The following BLM variants were observed in gnomAD, a reference collection of about 807,000 sequenced individuals.
BLM encodes the protein BLM RecQ like helicase.
In BLM, 95 loss-of-function variants were observed where a neutral mutation model predicts 135.3. That is an observed-to-expected ratio of 0.70 (90% confidence interval 0.59 to 0.83). The LOEUF is 0.83. Among genes scored for constraint, BLM ranks in the 40% least tolerant of loss-of-function variants. The pLI is 0.00. For synonymous variants in BLM, 520 were observed against 589.2 expected (o/e 0.88, Z 1.70); for missense variants, 1,518 against 1,663.9 (o/e 0.91, Z 1.53).
chr15:90,720,135 G>T (rs1596192357), intron 1 of BLM, among the ~76,000 whole-genome samples: 1 of 152,054 alleles, frequency 6.6e-6, no homozygotes, highest in Non-Finnish European at 1.5e-5. Context: ...GACTTATCTC[G>T]TTGCATTGTA....
At chr15:90,717,798 C>G (rs1894647471) in intron 1 of BLM, among the ~76,000 whole-genome samples, 1 of 152,206 alleles carries the variant, frequency 6.6e-6, no homozygotes, top group African/African-American at 2.4e-5. Flanking sequence ...CCTCCGTGTC[C>G]CTCCTGAGGA....
At chr15:90,753,958 G>T (rs931093786) in intron 4 of BLM, among the ~76,000 whole-genome samples, 2 of 152,238 alleles carry the variant, frequency 1.3e-5, no homozygotes, top group East Asian at 3.9e-4. Context: ...ATATTAAAAA[G>T]TTACACTGTT....
chr15:90,785,998 C>CTTTTTTTTT (rs869185558), intron 14 of BLM, among the ~76,000 whole-genome samples: 175 of 110,600 alleles, frequency 1.6e-3, no homozygotes, highest in Non-Finnish European at 2.3e-3. Context: ...TCGTTTCTTT[C>CTTTTTTTTT]TTTTTTTTTT....
intron 14 of BLM, among the ~76,000 whole-genome samples, chr15:90,785,629 C>T (rs1402395175): frequency 6.6e-6 from 1 of 151,818 alleles, no homozygotes; most frequent in Admixed American, 6.6e-5. Context: ...CTGCAACCTC[C>T]GCCTCCCAGG....
chr15:90,782,531 T>G lies in BLM; in HGVS notation c.2556-291T>G, dbSNP rs28385054. On this transcript the variant is annotated intron_variant, in intron 12 of 21. Transcript: ENST00000355112. The stretch of plus-strand genomic sequence containing the variant: ...GCCAGGAAGTCCAAGATCAAGATGC[T>G]GGCAGATCCCAAGTCAGATGAAGTC... Among the ~76,000 whole-genome samples the G allele has an allele frequency of 0.1, 15,818 of 152,274 alleles. 1,513 individuals carry two copies. The highest frequency in any genetic ancestry group is 0.25 in the African/African-American group (10,528 of 41,526).
rs1205725795 is a variant in BLM at position 90,798,179 on chromosome 15, T to C, written c.3211-11T>C. The C allele has an allele frequency of 9.4e-6, 15 of 1,593,324 alleles. No homozygotes were observed. The highest frequency in any genetic ancestry group is 1.3e-5 in the Non-Finnish European group (15 of 1,163,682). ...TAATTATAGCAGAAAGTATTCTCTT[T>C]TTATTCATAGGATTATAAAACAAGA... On this transcript the variant is annotated splice_polypyrimidine_tract_variant and intron_variant, in intron 16 of 21. Coordinates refer to ENST00000355112, the MANE Select transcript of BLM (RefSeq NM_000057.4).
chr15:90,766,376 C>G (rs1361029263), intron 9 of BLM, among the ~76,000 whole-genome samples: 1 of 151,976 alleles, frequency 6.6e-6, no homozygotes, highest in Non-Finnish European at 1.5e-5. Flanking sequence ...AAAAATAAAG[C>G]AAGAAAAGGA....
rs901571274 is a variant in BLM at position 90,815,475 on chromosome 15, G to A, written c.*196G>A. 63 of 637,924 alleles carry A rather than the reference G, an allele frequency of 9.9e-5. No individual in the cohort carries two copies. Among genetic ancestry groups the A allele is most frequent in the Middle Eastern group, 4.3e-4 (1 of 2,306 alleles). The allele number at this position is 637,924 out of a possible 1,614,324, so 39.5% of individuals were successfully genotyped here. ...TTTTGAATAAGCATGTTTTGCTGCC[G>A]CTGCAAGTGTTGTGGCCGTTGTTTC... On this transcript the variant is annotated 3_prime_UTR_variant, in exon 22 of 22. Coordinates refer to ENST00000355112, the MANE Select transcript of BLM (RefSeq NM_000057.4). This position sits in a 1 kb window ranked among gnomAD's most constrained non-coding sequence, Gnocchi z 4.6.
intron 9 of BLM, among the ~76,000 whole-genome samples, chr15:90,765,734 G>T (rs1896107716): frequency 6.6e-6 from 1 of 152,142 alleles, no homozygotes; most frequent in Non-Finnish European, 1.5e-5. Flanking sequence ...ATCTTAAAGT[G>T]CATACACACA....
At chr15:90,779,048 G>C (rs1338209398) in intron 12 of BLM, among the ~76,000 whole-genome samples, 1 of 151,998 alleles carries the variant, frequency 6.6e-6, no homozygotes, top group Non-Finnish European at 1.5e-5. Flanking sequence ...ACCACGCCCA[G>C]CTAATTTTCG....
Position 90,769,436 on chromosome 15 carries a change from A to G in BLM, c.2407-2A>G. The G allele has an allele frequency of 3.1e-6, 5 of 1,614,004 alleles. No individual in the cohort carries two copies. The highest frequency in any genetic ancestry group is 4.2e-6 in the Non-Finnish European group (5 of 1,179,954). On this transcript the variant is annotated splice_acceptor_variant, in intron 11 of 21. Transcript: ENST00000355112. LOFTEE classifies it high-confidence loss of function. ...AAAAGCAGTATTTTTTTTTCCAACT[A>G]GTGGGGACATGATTTTCGTCAAGAT... is the stretch of plus-strand genomic sequence containing the variant.
At chr15:90,776,820 G>A (rs1178894063) in intron 12 of BLM, among the ~76,000 whole-genome samples, 3 of 152,124 alleles carry the variant, frequency 2.0e-5, no homozygotes, top group Admixed American at 6.5e-5. Context: ...GATTACAGGC[G>A]TGAGCCACCA....
At chr15:90,782,950 G>A (rs751857160) in intron 13 of BLM, 22 bp downstream of exon 13, 1 of 1,555,140 alleles carries the variant, frequency 6.4e-7, no homozygotes, top group Non-Finnish European at 8.9e-7. Context: ...CATGTGATTA[G>A]CTGTCTAGAA....
chr15:90,750,823 G>A (rs1187221625), intron 3 of BLM, among the ~76,000 whole-genome samples: 1 of 152,168 alleles, frequency 6.6e-6, no homozygotes, highest in African/African-American at 2.4e-5. Flanking sequence ...TCATAGGTAT[G>A]TATGTATAGG....
At chr15:90,722,448 A>G (rs1365787826) in intron 1 of BLM, among the ~76,000 whole-genome samples, 1 of 152,068 alleles carries the variant, frequency 6.6e-6, no homozygotes, top group African/African-American at 2.4e-5. Flanking sequence ...TTAGCTGGCC[A>G]TGGTGGCCCA....
chr15:90,718,070 G>T (rs181386185), intron 1 of BLM, among the ~76,000 whole-genome samples: 1 of 152,150 alleles, frequency 6.6e-6, no homozygotes, highest in African/African-American at 2.4e-5. Context: ...CTGTCATATG[G>T]GGGAAATGGT....
intron 14 of BLM, among the ~76,000 whole-genome samples, chr15:90,787,327 A>C (rs973734720): frequency 1.3e-5 from 2 of 152,096 alleles, no homozygotes; most frequent in Non-Finnish European, 2.9e-5. Context: ...TGCTGGGATT[A>C]CAGGCGTGAG....
intron 14 of BLM, chr15:90,790,307 C>G: frequency 8.6e-6 from 3 of 350,414 alleles, no homozygotes; most frequent in South Asian, 7.3e-5. Flanking sequence ...TGAGCAACAC[C>G]CCCCACACCT....
chr15:90,805,261 G>A (rs112817753), intron 19 of BLM, among the ~76,000 whole-genome samples: 1 of 59,610 alleles, frequency 1.7e-5, no homozygotes, highest in South Asian at 7.8e-4. Context: ...GGTACCCTAT[G>A]TATGTTATAT....
Sources: allele counts gnomAD v4.1 joint callset (sites outside exome capture counted in the v4.1 genomes callset), GRCh38; gene constraint gnomAD v4.1.1; non-coding constraint Gnocchi (gnomAD v3.1); transcripts MANE v1.5; gene names NCBI Gene and HGNC (gene_info 2026-07-23, HGNC 2026-07-21).